The following ABCA13 variants were observed in gnomAD, a reference collection of about 807,000 sequenced individuals.
ABCA13 encodes ATP-binding cassette sub-family A member 13.
Under a neutral mutation model 478.7 loss-of-function variants are expected in ABCA13, and 476 were observed. That is an observed-to-expected ratio of 0.99 (90% CI 0.92 to 1.07). The LOEUF is 1.07. Among genes scored for constraint, ABCA13 ranks in the 50% least tolerant of loss-of-function variants. The probability of loss-of-function intolerance (pLI) is 0.00; values close to 1 mark genes in which losing one functional copy is unlikely to be tolerated. For synonymous variants in ABCA13, 2,252 were observed against 2,158.9 expected, an observed-to-expected ratio of 1.04 and a Z score of -1.20; for missense variants, 6,060 against 5,910.6, an observed-to-expected ratio of 1.03 and a Z score of -0.83.
intron 29 of ABCA13, among the ~76,000 whole-genome samples, chr7:48,345,232 C>T (rs1252133920): frequency 6.6e-6 from 1 of 152,168 alleles, no homozygotes; most frequent in Non-Finnish European, 1.5e-5. Flanking sequence ...AATACTTGAT[C>T]ATCGTAATAA....
chr7:48,453,235 A>ATTTT (rs33949393), intron 42 of ABCA13, among the ~76,000 whole-genome samples: 1 of 145,274 alleles, frequency 6.9e-6, no homozygotes, highest in Non-Finnish European at 1.5e-5. Flanking sequence ...GGAGATTGGG[A>ATTTT]TTTTTTTTTT....
In ABCA13 at chr7:48,171,679, G is replaced by C. The variant is rs1017871258; in HGVS notation, c.69+127G>C. 8 of 1,069,632 alleles carry C rather than the reference G, an allele frequency of 7.5e-6. No homozygotes were observed. The Admixed American group carries it at 1.5e-4, about 20-fold the overall frequency. 66.3% of individuals were successfully genotyped at this position (1,069,632 alleles called of 1,614,324 possible). A position where few individuals can be genotyped will look rare whatever the true frequency, so the allele number is the denominator to read the frequency against. ...ACTCATGCTGCAGGGAATTTGGGGA[G>C]GTTGGATTATTTTAAATCAAAACCC... On this transcript the variant is annotated intron_variant, in intron 1 of 61. Transcript: ENST00000435803.
chr7:48,303,236 T>G (rs1161738348), intron 23 of ABCA13, among the ~76,000 whole-genome samples: 1 of 152,216 alleles, frequency 6.6e-6, no homozygotes, highest in African/African-American at 2.4e-5. Flanking sequence ...ATACTGGATA[T>G]TAGACCTTTG....
rs1796616708 is a variant in ABCA13 at position 48,278,693 on chromosome 7, G to A, written c.7499G>A (p.Gly2500Glu). 1 of 1,613,710 alleles carries A rather than the reference G, an allele frequency of 6.2e-7. No homozygotes were observed. The highest frequency in any genetic ancestry group is 1.7e-5 in the Admixed American group (1 of 60,000). The part of the protein sequence containing the change: ...HVLKPLLEMS[G>E]TLVMLLNDSA... ...CTGAAACCCCTCTTAGAAATGTCTG[G>A]GACTCTGGTCATGCTGTTGAATGAC... The change falls in exon 18 of 62, where the codon GGG becomes GAG. Residue 2500 changes from glycine to glutamate, a missense_variant. Gly to Glu is a moderately conservative substitution (Grantham distance 98). This residue lies in a region of ABCA13 where 4,423 missense variants were observed against 4,309.1 expected (regional missense o/e 1.03). Coordinates refer to ENST00000435803, the MANE Select transcript of ABCA13 (RefSeq NM_152701.5).
At chr7:48,322,667 C>G (rs1324704881) in intron 27 of ABCA13, among the ~76,000 whole-genome samples, 1 of 152,234 alleles carries the variant, frequency 6.6e-6, no homozygotes, top group Non-Finnish European at 1.5e-5. Context: ...CTCCAACCTT[C>G]TTAAGAAGTA....
At chr7:48,352,007 G>T (rs546153970) in intron 30 of ABCA13, among the ~76,000 whole-genome samples, 174 bp from the exon 31 acceptor site, 1 of 152,196 alleles carries the variant, frequency 6.6e-6, no homozygotes, top group African/African-American at 2.4e-5. Flanking sequence ...ACCACCAATT[G>T]CCTGTGTGAC....
In ABCA13 at chr7:48,273,403, A is replaced by G. The variant is rs185694250; in HGVS notation, c.3737A>G (p.Lys1246Arg). The change falls in exon 17 of 62, where the codon AAA becomes AGA. Residue 1246 changes from lysine (K) to arginine (R), a missense_variant. Around this residue, in one of 3 missense-constraint regions of ABCA13, gnomAD observed 4,423 missense variants for 4,309.1 expected, o/e 1.03. Coordinates refer to ENST00000435803, the MANE Select transcript of ABCA13 (RefSeq NM_152701.5). ...VALGNALVSV[K>R]KLNLEQVEKS... is the part of the protein sequence containing the mutation. ...TTAGGTAATGCATTAGTTTCAGTAA[A>G]AAAACTTAACTTGGAGCAAGTGGAG... is the stretch of plus-strand genomic sequence containing the variant. 609 of 1,613,578 alleles carry G rather than the reference A, an allele frequency of 3.8e-4. 1 individual carries two copies. The highest frequency in any genetic ancestry group is 1.8e-3 in the Admixed American group (108 of 59,940).
At chr7:48,443,172 G>C (rs67132562) in intron 42 of ABCA13, among the ~76,000 whole-genome samples, 21,059 of 152,144 alleles carry the variant, frequency 0.14, 1,910 homozygotes, top group African/African-American at 0.24. Context: ...TGCTCTTCTT[G>C]GTGCTGACAA....
intron 51 of ABCA13, 97 bp from the exon 52 acceptor site, chr7:48,516,628 A>T (rs1006017155): frequency 5.7e-6 from 7 of 1,224,238 alleles, no homozygotes; most frequent in Non-Finnish European, 8.2e-6. Context: ...CTGCATTTTC[A>T]GGGATTCACC....
intron 58 of ABCA13, among the ~76,000 whole-genome samples, chr7:48,600,287 T>A (rs1429898567): frequency 6.6e-6 from 1 of 152,160 alleles, no homozygotes; most frequent in African/African-American, 2.4e-5. Context: ...ATTCTTTTAC[T>A]TTCAAATAAT....
At chr7:48,496,195 A>AT (rs146441780) in intron 48 of ABCA13, among the ~76,000 whole-genome samples, 35 of 151,492 alleles carry the variant, frequency 2.3e-4, no homozygotes, top group South Asian at 4.2e-4. Flanking sequence ...TTACTTGAGC[A>AT]TTTTTTTTGA....
chr7:48,299,502 C>T (rs758828456), intron 23 of ABCA13, among the ~76,000 whole-genome samples: 5 of 152,124 alleles, frequency 3.3e-5, no homozygotes, highest in Non-Finnish European at 7.4e-5. Context: ...AAGCAGGGGG[C>T]AGTGCTGAAA....
intron 39 of ABCA13, among the ~76,000 whole-genome samples, chr7:48,407,923 A>T (rs1818475747): frequency 6.6e-6 from 1 of 152,192 alleles, no homozygotes; most frequent in Non-Finnish European, 1.5e-5. Flanking sequence ...GGTTATGTGC[A>T]AATACTACCC....
At chr7:48,437,047 GTGT>G (rs1462524859) in intron 42 of ABCA13, among the ~76,000 whole-genome samples, 1 of 151,830 alleles carries the variant, frequency 6.6e-6, no homozygotes, top group Non-Finnish European at 1.5e-5. Context: ...TAGTTCTATA[GTGT>G]TGTTCAATTC....
intron 42 of ABCA13, among the ~76,000 whole-genome samples, chr7:48,431,136 C>A (rs917291704): frequency 6.6e-6 from 1 of 152,018 alleles, no homozygotes; most frequent in East Asian, 1.9e-4. Context: ...TTGTGAGTTT[C>A]TAAATTCCCT....
chr7:48,356,591 A>G (rs866627090), intron 31 of ABCA13, among the ~76,000 whole-genome samples: 2 of 151,604 alleles, frequency 1.3e-5, no homozygotes, highest in Non-Finnish European at 2.9e-5. Flanking sequence ...TTAACTAAAA[A>G]TTTTCCACTT....
At chr7:48,181,526 TC>T (rs1460961165) in intron 1 of ABCA13, among the ~76,000 whole-genome samples, 2 of 152,032 alleles carry the variant, frequency 1.3e-5, no homozygotes, top group Non-Finnish European at 2.9e-5. Context: ...TTTTACACTT[TC>T]ATTTACTTGT....
At chr7:48,290,371 GC>G (rs1798340422) in intron 20 of ABCA13, among the ~76,000 whole-genome samples, 3 of 152,130 alleles carry the variant, frequency 2.0e-5, no homozygotes, top group Admixed American at 2.0e-4. Context: ...GCCTGATGTA[GC>G]CGGAGAAGGA....
intron 1 of ABCA13, among the ~76,000 whole-genome samples, chr7:48,179,492 C>G (rs1005318764): frequency 6.6e-6 from 1 of 152,206 alleles, no homozygotes. Context: ...TGGTCCTACC[C>G]GATTCCTGGG....
Sources: allele counts gnomAD v4.1 joint callset (sites outside exome capture counted in the v4.1 genomes callset), GRCh38; gene constraint gnomAD v4.1.1; regional missense constraint gnomAD v4.1.1; transcripts MANE v1.5; gene names NCBI Gene and HGNC (gene_info 2026-07-23, HGNC 2026-07-21).